The following TRIO variants were observed in gnomAD, a reference collection of about 807,000 sequenced individuals.
TRIO encodes trio Rho guanine nucleotide exchange factor.
Under a neutral mutation model 351.9 loss-of-function variants are expected in TRIO, and 58 were observed. The ratio of observed to expected loss-of-function variants is 0.16; its 90% CI spans 0.13 to 0.21. The LOEUF is 0.21. Among genes scored for constraint, TRIO ranks in the 10% least tolerant of loss-of-function variants. TRIO has a pLI of 1.00. For missense variants in TRIO, 3,201 were observed against 4,027.8 expected (o/e 0.79, Z 5.56); for synonymous variants, 1,758 against 1,595.7 (o/e 1.10, Z -2.42).
chr5:14,173,115 T>A (rs1273100989), intron 1 of TRIO, among the ~76,000 whole-genome samples: 1 of 151,494 alleles, frequency 6.6e-6, no homozygotes, highest in Non-Finnish European at 1.5e-5. Context: ...GTTGGGGTGG[T>A]CAGACCTCTT....
chr5:14,468,501 T>C (rs991292021), intron 37 of TRIO, among the ~76,000 whole-genome samples: 1 of 152,262 alleles, frequency 6.6e-6, no homozygotes, highest in Admixed American at 6.5e-5. Context: ...TCATCCCTTC[T>C]TCATTCTGCC....
chr5:14,259,847 T>C (rs946907671), intron 1 of TRIO, among the ~76,000 whole-genome samples: 1 of 152,050 alleles, frequency 6.6e-6, no homozygotes, highest in Non-Finnish European at 1.5e-5. Context: ...GTTCTTAGAC[T>C]GCTACAAGGC....
At chr5:14,374,418 G>A (rs1284503153) in intron 19 of TRIO, 75 bp downstream of exon 19, 2 of 1,052,376 alleles carry the variant, frequency 1.9e-6, no homozygotes, top group Non-Finnish European at 2.8e-6. Flanking sequence ...TGCACGTTGT[G>A]TTCTGAACTC....
In TRIO at chr5:14,390,924, C is replaced by T. The variant is rs1747029630; in HGVS notation, c.4152C>T (p.Val1384=). 1 of 1,606,372 alleles carries T rather than the reference C, an allele frequency of 6.2e-7. No homozygotes were observed. The highest frequency in any genetic ancestry group is 1.3e-5 in the African/African-American group (1 of 74,210). ...VTWADKFQMY[V]TYCKNKPDST... ...AGGCAGACAAGTTTCAGATGTATGTCACATATTGCAAAAATAAGCCTGATT... is the reference window on the plus strand; with the variant it reads ...AGGCAGACAAGTTTCAGATGTATGTTACATATTGCAAAAATAAGCCTGATT... Residue 1384 remains valine (V), a synonymous_variant, in exon 27 of 57, where the codon GTC becomes GTT. Transcript: ENST00000344204.
In TRIO at chr5:14,286,918, G is replaced by T; in HGVS notation, c.395G>T (p.Gly132Val). The change falls in exon 4 of 57, where the codon GGG becomes GTG. Residue 132 changes from glycine to valine, a missense_variant. Gly to Val is a moderately radical substitution (Grantham distance 109). Around this residue, in one of 19 missense-constraint regions of TRIO, gnomAD observed 30 missense variants for 35.1 expected, o/e 0.85. Transcript: ENST00000344204. The surrounding 1 kb of genome is among the most constrained non-coding windows in gnomAD (Gnocchi z 4.4). ...RGFTVIVDMRGSKWDSIKPLL... is the reference protein window; with the variant it reads ...RGFTVIVDMRVSKWDSIKPLL... ...TTCACGGTGATCGTGGACATGCGTGGGTCCAAGTGGGACTCCATCAAGCCC... is the reference window on the plus strand; with the variant it reads ...TTCACGGTGATCGTGGACATGCGTGTGTCCAAGTGGGACTCCATCAAGCCC... 1 of 1,613,992 alleles carries T rather than the reference G, an allele frequency of 6.2e-7. No individual in the cohort carries two copies. The highest frequency in any genetic ancestry group is 8.5e-7 in the Non-Finnish European group (1 of 1,179,912).
At chr5:14,374,412 C>G in intron 19 of TRIO, 69 bp downstream of exon 19, 4 of 1,209,034 alleles carry the variant, frequency 3.3e-6, no homozygotes, top group Non-Finnish European at 4.7e-6. Flanking sequence ...GGAGCCTGCA[C>G]GTTGTGTTCT....
At chr5:14,155,493 G>A (rs1380416100) in intron 1 of TRIO, among the ~76,000 whole-genome samples, 1 of 152,136 alleles carries the variant, frequency 6.6e-6, no homozygotes, top group Admixed American at 6.5e-5. Flanking sequence ...TATGGTCCAG[G>A]ATCTCACTCA....
At chr5:14,233,407 T>A (rs1793580610) in intron 1 of TRIO, among the ~76,000 whole-genome samples, 1 of 151,676 alleles carries the variant, frequency 6.6e-6, no homozygotes, top group South Asian at 2.1e-4. Context: ...GGAGGACTGC[T>A]TGAGCCTGGG....
intron 1 of TRIO, among the ~76,000 whole-genome samples, chr5:14,206,115 G>A (rs1470530404): frequency 6.6e-6 from 1 of 152,148 alleles, no homozygotes; most frequent in Non-Finnish European, 1.5e-5. Context: ...AGACTGGAGT[G>A]CAGTGGCGCA....
intron 34 of TRIO, among the ~76,000 whole-genome samples, chr5:14,427,314 C>T (rs779866175): frequency 8.5e-5 from 13 of 152,124 alleles, no homozygotes; most frequent in Non-Finnish European, 1.8e-4. Flanking sequence ...AGGTCTCTCC[C>T]CTTAGCTCCT....
intron 34 of TRIO, among the ~76,000 whole-genome samples, chr5:14,433,133 A>C (rs1190418729): frequency 2.6e-5 from 4 of 152,256 alleles, no homozygotes; most frequent in Admixed American, 2.6e-4. Flanking sequence ...AGTGAAATGT[A>C]AAAAAGGAGT....
At chr5:14,471,275 G>A (rs756340268) in intron 37 of TRIO, 43 bp from the exon 38 acceptor site, 2 of 1,598,978 alleles carry the variant, frequency 1.3e-6, no homozygotes, top group Admixed American at 1.7e-5. Context: ...CCAATCATGG[G>A]CTGTGGGCAG....
At chr5:14,501,386 A>G (rs1258571209) in intron 53 of TRIO, among the ~76,000 whole-genome samples, 2 of 152,228 alleles carry the variant, frequency 1.3e-5, no homozygotes, top group Non-Finnish European at 2.9e-5. Context: ...TGTGTCCTTC[A>G]GTGAAGATTT....
intron 48 of TRIO, 151 bp downstream of exon 48, chr5:14,488,411 C>G: frequency 1.6e-6 from 2 of 1,222,844 alleles, no homozygotes; most frequent in Non-Finnish European, 2.2e-6. Context: ...AACCCTCCTG[C>G]GGGCCGGCCC....
chr5:14,429,776 A>G (rs1014949088), intron 34 of TRIO, among the ~76,000 whole-genome samples: 1 of 152,214 alleles, frequency 6.6e-6, no homozygotes, highest in Non-Finnish European at 1.5e-5. Flanking sequence ...AACCATTTTT[A>G]TTCACCTCTA....
chr5:14,179,724 C>T (rs1195234362), intron 1 of TRIO, among the ~76,000 whole-genome samples: 1 of 152,182 alleles, frequency 6.6e-6, no homozygotes, highest in Non-Finnish European at 1.5e-5. Flanking sequence ...GCATGAGCCA[C>T]CACACCCAGC....
At chr5:14,200,804 G>A (rs576010265) in intron 1 of TRIO, among the ~76,000 whole-genome samples, 3 of 152,230 alleles carry the variant, frequency 2.0e-5, no homozygotes, top group Admixed American at 2.0e-4. Flanking sequence ...GTTGTTTAGC[G>A]TAAGCATATA....
At chr5:14,431,873 A>C (rs3891267) in intron 34 of TRIO, among the ~76,000 whole-genome samples, 2,091 of 152,270 alleles carry the variant, frequency 0.014, 30 homozygotes, top group South Asian at 0.046. Flanking sequence ...GATTCTCCAT[A>C]TAGCTGTCTA....
In TRIO at chr5:14,456,144, C is replaced by T. The variant is rs567388766; in HGVS notation, c.5204-4875C>T. 7.9e-5 allele frequency among the ~76,000 whole-genome samples: 12 copies of T among 152,372 alleles called. 1 individual carries two copies. In the South Asian group the frequency reaches 1.2e-3, roughly 16 times the overall value. On this transcript the variant is annotated intron_variant, in intron 34 of 56. Coordinates refer to ENST00000344204, the MANE Select transcript of TRIO (RefSeq NM_007118.4). ...GCCCCTCGCTGCCTGGGGCCAGTGG[C>T]GCTGGCTGGCCACTCGGAGTGCAGG...
Sources: allele counts gnomAD v4.1 joint callset (sites outside exome capture counted in the v4.1 genomes callset), GRCh38; gene constraint gnomAD v4.1.1; regional missense constraint gnomAD v4.1.1; non-coding constraint Gnocchi (gnomAD v3.1); transcripts MANE v1.5; gene names NCBI Gene and HGNC (gene_info 2026-07-23, HGNC 2026-07-21).